Variants in ZNF440 observed in about 807,000 individuals in gnomAD.
The protein encoded by ZNF440 is zinc finger protein 440.
In ZNF440, 47 loss-of-function variants were observed where a neutral mutation model predicts 49.7. The observed-to-expected ratio is 0.95, with a 90% CI of 0.75 to 1.21. The LOEUF (loss-of-function observed/expected upper bound fraction) is 1.21, where lower values mean the gene tolerates loss of function less well. ZNF440 is among the 50% of genes most tolerant of loss of function. ZNF440 has a pLI of 0.00. For missense variants in ZNF440, 703 were observed against 715.0 expected (o/e 0.98, Z 0.19); for synonymous variants, 255 against 237.7 (o/e 1.07, Z -0.67).
At chr19:11,829,773 T>C (rs1975910392) in intron 1 of ZNF440, among the ~76,000 whole-genome samples, 1 of 151,560 alleles carries the variant, frequency 6.6e-6, no homozygotes, top group South Asian at 2.1e-4. Flanking sequence ...TAAGAGGTTG[T>C]AGTGAGCCAA....
chr19:11,830,587 A>C, intron 2 of ZNF440, 30 bp from the exon 3 acceptor site: 1 of 1,612,278 alleles, frequency 6.2e-7, no homozygotes, highest in Non-Finnish European at 8.5e-7. Flanking sequence ...ATACTGCCTC[A>C]GGACTATTTT....
In ZNF440 at chr19:11,814,299, C is replaced by G; in HGVS notation, c.-149C>G. On this transcript the variant is annotated 5_prime_UTR_variant, in exon 1 of 4. Transcript: ENST00000304060. ...CCCTCCGTCCATTCCTTTAGTGCTG[C>G]GCCGACAGCGGTCAGGATCTCGGCT... 1.2e-6 allele frequency: 1 copy of G among 802,642 alleles called. No individual in the cohort carries two copies. Among genetic ancestry groups the G allele is most frequent in the Non-Finnish European group, 1.8e-6 (1 of 557,262 alleles). The allele number at this position is 802,642 out of a possible 1,614,324, so 49.7% of individuals were successfully genotyped here.
Position 11,817,986 on chromosome 19 carries a change from G to A in ZNF440, c.3+3536G>A, listed in dbSNP as rs576716569. On this transcript the variant is annotated intron_variant, in intron 1 of 3. Coordinates refer to ENST00000304060, the MANE Select transcript of ZNF440 (RefSeq NM_152357.3). ...GCACTTTGGGAGGCCGAGGTGGGCG[G>A]ATCACTTGAGATTAGGGGTTCGATA... Among the ~76,000 whole-genome samples the A allele has an allele frequency of 1.2e-4, 18 of 152,244 alleles. No homozygotes were observed. The South Asian group carries it at 3.7e-3, about 32-fold the overall frequency.
At chr19:11,824,371 AAG>A (rs1177393823) in intron 1 of ZNF440, among the ~76,000 whole-genome samples, 1 of 152,188 alleles carries the variant, frequency 6.6e-6, no homozygotes, top group Non-Finnish European at 1.5e-5. Flanking sequence ...AAATACATAA[AAG>A]AATTGCACAA....
At chr19:11,814,508 A>G in intron 1 of ZNF440, 58 bp downstream of exon 1, 1 of 1,444,926 alleles carries the variant, frequency 6.9e-7, no homozygotes. Context: ...ATCGGCCGGA[A>G]CCGGCTGAGG....
chr19:11,818,242 A>C (rs1975756511), intron 1 of ZNF440, among the ~76,000 whole-genome samples: 1 of 152,072 alleles, frequency 6.6e-6, no homozygotes, highest in Non-Finnish European at 1.5e-5. Context: ...AAAAAACTAT[A>C]ATTATCTTGA....
chr19:11,824,637 A>C (rs1310062301), intron 1 of ZNF440, among the ~76,000 whole-genome samples: 1 of 151,878 alleles, frequency 6.6e-6, no homozygotes, highest in Non-Finnish European at 1.5e-5. Context: ...TTGTTTCCCC[A>C]AAACATTGGG....
chr19:11,831,893 T>C lies in ZNF440; in HGVS notation c.717T>C (p.Tyr239=). The C allele has an allele frequency of 6.2e-7, 1 of 1,613,982 alleles. No homozygotes were observed. Among genetic ancestry groups the C allele is most frequent in the Non-Finnish European group, 8.5e-7 (1 of 1,179,950 alleles). ...ECKQCGKSFS[Y]SATHRIHKRT... Reference sequence around the variant, plus strand: ...AACAGTGTGGTAAATCCTTTAGTTATTCTGCTACCCATCGAATACATAAAA... The same window carrying C: ...AACAGTGTGGTAAATCCTTTAGTTACTCTGCTACCCATCGAATACATAAAA... The change falls in exon 4 of 4, where the codon TAT becomes TAC. Residue 239 remains tyrosine (Y), a synonymous_variant. Coordinates refer to ENST00000304060, the MANE Select transcript of ZNF440 (RefSeq NM_152357.3).
chr19:11,830,488 G>T, intron 2 of ZNF440, 79 bp downstream of exon 2: 1 of 1,604,650 alleles, frequency 6.2e-7, no homozygotes, highest in Non-Finnish European at 8.5e-7. Context: ...GAGTGATTTA[G>T]AACATAGACA....
intron 1 of ZNF440, among the ~76,000 whole-genome samples, chr19:11,820,945 G>A (rs184005732): frequency 3.9e-5 from 6 of 152,240 alleles, no homozygotes; most frequent in Admixed American, 3.3e-4. Context: ...GGTACACAGG[G>A]GACACAATGC....
rs549450843 is a variant in ZNF440, at chr19:11,834,495, C to T, written c.*1531C>T. 1 of 152,218 alleles carries T rather than the reference C, an allele frequency of 6.6e-6. No individual in the cohort carries two copies. Among genetic ancestry groups the T allele is most frequent in the South Asian group, 2.1e-4 (1 of 4,824 alleles). 9.4% of individuals were successfully genotyped at this position (152,218 alleles called of 1,614,324 possible). A position where few individuals can be genotyped will look rare whatever the true frequency, so the allele number is the denominator to read the frequency against. ...CATGCACCTCTGAGTGCCTTCTTCC[C>T]CAAAACCAGCAGTGCCATACCTGCT... On this transcript the variant is annotated 3_prime_UTR_variant, in exon 4 of 4. Transcript: ENST00000304060.
At position 11,822,017 on chromosome 19, in the gene ZNF440, C is replaced by T. The variant is rs925408902; in HGVS notation, c.3+7567C>T. Among the ~76,000 whole-genome samples, 7 of 152,160 alleles carry T rather than the reference C, an allele frequency of 4.6e-5. 1 individual carries two copies. Among genetic ancestry groups the T allele is most frequent in the Admixed American group, 2.0e-4 (3 of 15,280 alleles). ...ACAGACAGGGACCTGTGGGCCAAAGCGTTTCTTGGGGTCTAGGGAATTGAC... is the reference window on the plus strand; with the variant it reads ...ACAGACAGGGACCTGTGGGCCAAAGTGTTTCTTGGGGTCTAGGGAATTGAC... On this transcript the variant is annotated intron_variant, in intron 1 of 3. Transcript: ENST00000304060.
rs1364890426 is a variant in ZNF440 at position 11,830,393 on chromosome 19, G to A, written c.114G>A (p.Arg38=). ...LYREVMLETF[R]NLTSLGKRWK... ...GGGAAGTGATGCTGGAAACTTTCAG[G>A]AACCTGACCTCTTTAGGTAAGGATG... Residue 38 remains arginine (R), a synonymous_variant, in exon 2 of 4, where the codon AGG becomes AGA. Transcript: ENST00000304060. 6.2e-7 allele frequency: 1 copy of A among 1,614,120 alleles called. No individual in the cohort carries two copies. The highest frequency in any genetic ancestry group is 1.7e-5 in the Admixed American group (1 of 60,016).
chr19:11,830,592 T>C, intron 2 of ZNF440, 25 bp from the exon 3 acceptor site: 1 of 1,612,526 alleles, frequency 6.2e-7, no homozygotes. Context: ...GCCTCAGGAC[T>C]ATTTTTTCTG....
chr19:11,832,874 G>A lies in ZNF440; in HGVS notation c.1698G>A (p.Met566Ile), dbSNP rs1975970429. The A allele has an allele frequency of 6.2e-7, 1 of 1,612,578 alleles. No individual in the cohort carries two copies. The highest frequency in any genetic ancestry group is 1.7e-4 in the Middle Eastern group (1 of 6,056). ...HTFEYVVGHTMERSPMHVRNV... is the reference protein window; with the variant it reads ...HTFEYVVGHTIERSPMHVRNV... Reference sequence around the variant, plus strand: ...TTGAATACGTGGTAGGACACACAATGGAGAGAAGCCCTATGCATGTAAGGA... The same window carrying A: ...TTGAATACGTGGTAGGACACACAATAGAGAGAAGCCCTATGCATGTAAGGA... Residue 566 changes from methionine to isoleucine, a missense_variant, in exon 4 of 4, where the codon ATG (methionine) becomes ATA (isoleucine). Coordinates refer to ENST00000304060, the MANE Select transcript of ZNF440 (RefSeq NM_152357.3).
rs773884413 is a variant in ZNF440 at position 11,830,419 on chromosome 19, A to G, written c.130+10A>G. On this transcript the variant is annotated intron_variant, in intron 2 of 3. Coordinates refer to ENST00000304060, the MANE Select transcript of ZNF440 (RefSeq NM_152357.3). ...AACCTGACCTCTTTAGGTAAGGATG[A>G]CAATATTCCTTCCCTCAGTCCATTA... The G allele has an allele frequency of 5.6e-6, 9 of 1,613,604 alleles. No homozygotes were observed. The highest frequency in any genetic ancestry group is 2.2e-5 in the East Asian group (1 of 44,898).
intron 1 of ZNF440, among the ~76,000 whole-genome samples, chr19:11,820,941 C>T (rs1975792452): frequency 6.6e-6 from 1 of 152,134 alleles, no homozygotes; most frequent in Non-Finnish European, 1.5e-5. Context: ...TGGGGGTACA[C>T]AGGGGACACA....
chr19:11,827,914 C>T (rs1702168752), intron 1 of ZNF440, among the ~76,000 whole-genome samples: 1 of 152,064 alleles, frequency 6.6e-6, no homozygotes, highest in Admixed American at 6.6e-5. Flanking sequence ...GTAGATTTTT[C>T]TGTGTTCCTA....
chr19:11,829,976 G>A (rs1184060374), intron 1 of ZNF440: 2 of 343,704 alleles, frequency 5.8e-6, no homozygotes, highest in Non-Finnish European at 5.1e-6. Context: ...TACAACATTA[G>A]CCAGGCATGG....
Sources: gnomAD v4.1 joint callset for allele counts (sites outside exome capture counted in the v4.1 genomes callset) on GRCh38, gnomAD v4.1.1 for gene constraint, MANE v1.5 for transcripts, NCBI Gene and HGNC (gene_info 2026-07-23, HGNC 2026-07-21) for gene names.